The following LINGO4 variants were observed in gnomAD, a reference collection of about 807,000 sequenced individuals.
The protein encoded by LINGO4 is leucine-rich repeat and immunoglobulin-like domain-containing nogo receptor-interacting protein 4.
In LINGO4, 22 loss-of-function variants were observed where a neutral mutation model predicts 27.9. That is an observed-to-expected ratio of 0.79 (90% CI 0.56 to 1.13). The LOEUF is 1.13. Among genes scored for constraint, LINGO4 ranks in the 50% most tolerant of loss-of-function variants. The probability of loss-of-function intolerance (pLI) is 0.00; values close to 1 mark genes in which losing one functional copy is unlikely to be tolerated. For synonymous variants in LINGO4, 306 were observed against 325.8 expected (o/e 0.94, Z 0.65); for missense variants, 706 against 739.4 (o/e 0.95, Z 0.52).
In LINGO4 at chr1:151,801,908, G is replaced by C; in HGVS notation, c.797C>G (p.Ser266Trp). 1.2e-6 allele frequency: 2 copies of C among 1,614,212 alleles called. No homozygotes were observed. Among genetic ancestry groups the C allele is most frequent in the Non-Finnish European group, 1.7e-6 (2 of 1,180,030 alleles). ...GTGGTACAGTGCTTGGAAGGGCACC[G>C]AGCTCAGATTGCAGCGAGTGATGGC... ...SLAITRCNLS[S>W]VPFQALYHLS... The change falls in exon 2 of 2, where the codon TCG becomes TGG. Residue 266 changes from serine to tryptophan, a missense_variant. Ser to Trp is a radical substitution (Grantham distance 177). Coordinates refer to ENST00000368820, the MANE Select transcript of LINGO4 (RefSeq NM_001004432.4). This position sits in a 1 kb window ranked among gnomAD's most constrained non-coding sequence, Gnocchi z 5.7.
chr1:151,805,345 C>CGCTGCCTGGCTGCCCGGCT lies in LINGO4; in HGVS notation c.-148_-130dup, dbSNP rs1553288674. ...CACCTTCCCTGTGTGCCTCAACCCC[C>CGCTGCCTGGCTGCCCGGCT]GCTGCCTGGCTGCCCGGCTGCTGCC... On this transcript the variant is annotated 5_prime_UTR_variant, in exon 1 of 2. Transcript: ENST00000368820. 1.6e-5 allele frequency: 3 copies of CGCTGCCTGGCTGCCCGGCT among 187,414 alleles called. No homozygotes were observed. Among genetic ancestry groups the CGCTGCCTGGCTGCCCGGCT allele is most frequent in the African/African-American group, 7.2e-5 (3 of 41,908 alleles). 11.6% of individuals were successfully genotyped at this position (187,414 alleles called of 1,614,324 possible). A position where few individuals can be genotyped will look rare whatever the true frequency, so the allele number is the denominator to read the frequency against.
In LINGO4 at chr1:151,802,509, C is replaced by T. The variant is rs768302895; in HGVS notation, c.196G>A (p.Asp66Asn). 6.2e-7 allele frequency: 1 copy of T among 1,611,442 alleles called. No individual in the cohort carries two copies. The highest frequency in any genetic ancestry group is 8.5e-7 in the Non-Finnish European group (1 of 1,178,652). The change falls in exon 2 of 2, where the codon GAC (aspartate) becomes AAC (asparagine). Residue 66 changes from aspartate (D) to asparagine (N), a missense_variant. Transcript: ENST00000368820. Reference sequence around the variant, plus strand: ...CCCCACAGGCGGTTCCCACTCAGGTCCAGGAGCTCAGTGTCCAGTGGGAGT... The same window carrying T: ...CCCCACAGGCGGTTCCCACTCAGGTTCAGGAGCTCAGTGTCCAGTGGGAGT... The part of the protein sequence containing the change: ...GGLPLDTELL[D>N]LSGNRLWGLQ...
chr1:151,804,757 TTCAGTGGGG>T (rs1651240358), intron 1 of LINGO4, among the ~76,000 whole-genome samples: 1 of 152,228 alleles, frequency 6.6e-6, no homozygotes, highest in African/African-American at 2.4e-5. Flanking sequence ...TTTTTGTCCC[TTCAGTGGGG>T]TGGGGACATC....
rs760115744 is a variant in LINGO4, at chr1:151,802,400, C to T, written c.305G>A (p.Gly102Glu). 9 of 1,614,196 alleles carry T rather than the reference C, an allele frequency of 5.6e-6. No homozygotes were observed. In the South Asian group the frequency reaches 9.9e-5, roughly 18 times the overall value. ...SYNQLSTLEP[G>E]AFHGLQSLLT... The stretch of plus-strand genomic sequence containing the variant: ...TAGGCTTTGTAGGCCATGGAAGGCC[C>T]CAGGCTCAAGGGTTGAGAGCTGGTT... The change falls in exon 2 of 2, where the codon GGG becomes GAG. Residue 102 changes from glycine to glutamate, a missense_variant. Physicochemically the swap from Gly to Glu is moderately conservative, Grantham distance 98 (BLOSUM62 -2). Transcript: ENST00000368820.
Position 151,802,225 on chromosome 1 carries a change from C to T in LINGO4, c.480G>A (p.Lys160=). ...GAFGELGSLQ[K]LEVGDNHLVF... Reference sequence around the variant, plus strand: ...CCAGGTGGTTGTCCCCAACCTCCAGCTTCTGGAGGCTGCCTAGCTCCCCAA... The same window carrying T: ...CCAGGTGGTTGTCCCCAACCTCCAGTTTCTGGAGGCTGCCTAGCTCCCCAA... Residue 160 remains lysine (K), a synonymous_variant, in exon 2 of 2, where the codon AAG becomes AAA. Transcript: ENST00000368820. 6.2e-7 allele frequency: 1 copy of T among 1,614,208 alleles called. No individual in the cohort carries two copies. The highest frequency in any genetic ancestry group is 8.5e-7 in the Non-Finnish European group (1 of 1,180,032).
Position 151,802,290 on chromosome 1 carries a change from G to A in LINGO4, c.415C>T (p.Leu139Phe). 1.2e-6 allele frequency: 2 copies of A among 1,614,202 alleles called. No individual in the cohort carries two copies. The highest frequency in any genetic ancestry group is 1.1e-5 in the South Asian group (1 of 91,080). The part of the protein sequence containing the change: ...SGLSALTLLD[L>F]RLNQIVLFLD... ...AAGAGAACAATCTGGTTGAGGCGGA[G>A]GTCCAGCAGGGTCAGAGCAGAGAGG... Residue 139 changes from leucine to phenylalanine, a missense_variant, in exon 2 of 2, where the codon CTC becomes TTC. By Grantham distance (22) the Leu-to-Phe change is conservative. Transcript: ENST00000368820.
Position 151,801,982 on chromosome 1 carries a change from C to T in LINGO4, c.723G>A (p.Leu241=), listed in dbSNP as rs1422758717. The change falls in exon 2 of 2, where the codon CTG becomes CTA. Residue 241 remains leucine, a synonymous_variant. Transcript: ENST00000368820. The surrounding 1 kb of genome is among the most constrained non-coding windows in gnomAD (Gnocchi z 5.7). The part of the protein sequence containing the change: ...KELEIHLWPS[L]EALDPGSLVG... Reference sequence around the variant, plus strand: ...CCAGGCTCCCAGGGTCCAGAGCCTCCAGAGATGGCCAGAGGTGGATCTCCA... The same window carrying T: ...CCAGGCTCCCAGGGTCCAGAGCCTCTAGAGATGGCCAGAGGTGGATCTCCA... The T allele has an allele frequency of 6.2e-7, 1 of 1,614,146 alleles. No individual in the cohort carries two copies. The highest frequency in any genetic ancestry group is 1.3e-5 in the African/African-American group (1 of 75,036).
At chr1:151,803,029 A>G (rs1205685910) in intron 1 of LINGO4, among the ~76,000 whole-genome samples, 1 of 152,146 alleles carries the variant, frequency 6.6e-6, no homozygotes, top group African/African-American at 2.4e-5. Flanking sequence ...GGCAGGGAAC[A>G]GCAGGGAGGT....
chr1:151,801,677 G>A lies in LINGO4; in HGVS notation c.1028C>T (p.Ala343Val), dbSNP rs772892137. The A allele has an allele frequency of 6.2e-7, 1 of 1,614,236 alleles. No homozygotes were observed. Among genetic ancestry groups the A allele is most frequent in the Non-Finnish European group, 8.5e-7 (1 of 1,180,048 alleles). ...DNALQTLEET[A>V]FPSPDKLVTL... ...GACCAGTTTGTCTGGAGAAGGGAAA[G>A]CTGTTTCCTCTAGTGTCTGAAGGGC... is the stretch of plus-strand genomic sequence containing the variant. Residue 343 changes from alanine to valine, a missense_variant, in exon 2 of 2, where the codon GCT (alanine) becomes GTT (valine). Transcript: ENST00000368820. The surrounding 1 kb of genome is among the most constrained non-coding windows in gnomAD (Gnocchi z 5.7).
chr1:151,802,662 G>T lies in LINGO4; in HGVS notation c.43C>A (p.Pro15Thr). 1 of 1,545,484 alleles carries T rather than the reference G, an allele frequency of 6.5e-7. No homozygotes were observed. The highest frequency in any genetic ancestry group is 8.7e-7 in the Non-Finnish European group (1 of 1,148,714). Reference protein sequence around the residue: ...TAPKQAWPPWPPLLFLLLLPG... With the variant: ...TAPKQAWPPWTPLLFLLLLPG... ...AGGAGGAGGAGGAAAAGGAGCGGGGGCCATGGGGGCCAGGCTTGCTTTGGA... is the reference window on the plus strand; with the variant it reads ...AGGAGGAGGAGGAAAAGGAGCGGGGTCCATGGGGGCCAGGCTTGCTTTGGA... The change falls in exon 2 of 2, where the codon CCC becomes ACC. Residue 15 changes from proline (P) to threonine (T), a missense_variant. Physicochemically the swap from Pro to Thr is conservative, Grantham distance 38 (BLOSUM62 -1). Transcript: ENST00000368820.
At position 151,802,348 on chromosome 1, in the gene LINGO4, C is replaced by A. The variant is rs372094100; in HGVS notation, c.357G>T (p.Arg119=). 2.0e-5 allele frequency: 32 copies of A among 1,614,188 alleles called. No homozygotes were observed. In the African/African-American group the frequency reaches 4.1e-4, roughly 21 times the overall value. ...SLLTLRLQGN[R]LRIMGPGVFS... is the part of the protein sequence containing the mutation. ...AGACCCCAGGCCCCATGATTCTGAG[C>A]CGATTGCCCTGCAGCCTCAGGGTGA... Residue 119 remains arginine, a synonymous_variant, in exon 2 of 2, where the codon CGG becomes CGT. Transcript: ENST00000368820.
Position 151,800,653 on chromosome 1 carries a change from T to G in LINGO4, c.*270A>C. 1 of 443,732 alleles carries G rather than the reference T, an allele frequency of 2.3e-6. No homozygotes were observed. The highest frequency in any genetic ancestry group is 4.0e-6 in the Non-Finnish European group (1 of 249,366). The allele number at this position is 443,732 out of a possible 1,614,324, so 27.5% of individuals were successfully genotyped here. A position where few individuals can be genotyped will look rare whatever the true frequency, so the allele number is the denominator to read the frequency against. On this transcript the variant is annotated 3_prime_UTR_variant, in exon 2 of 2. Coordinates refer to ENST00000368820, the MANE Select transcript of LINGO4 (RefSeq NM_001004432.4). ...CTAGCGCTTTGATTATGTTTCCTGT[T>G]TTGTGTGTGGAGGGGGTGAAGCAGG...
Position 151,801,209 on chromosome 1 carries a change from A to G in LINGO4, c.1496T>C (p.Leu499Pro). The change falls in exon 2 of 2, where the codon CTG becomes CCG. Residue 499 changes from leucine to proline, a missense_variant. By Grantham distance (98) the Leu-to-Pro change is moderately conservative. Transcript: ENST00000368820. This position sits in a 1 kb window ranked among gnomAD's most constrained non-coding sequence, Gnocchi z 5.7. ...VAGNDSLRTWLEVIQVEPPNG... is the reference protein window; with the variant it reads ...VAGNDSLRTWPEVIQVEPPNG... Reference sequence around the variant, plus strand: ...TGGTGGTTCCACCTGGATGACTTCCAGCCAGGTCCTCAGGGAGTCATTCCC... The same window carrying G: ...TGGTGGTTCCACCTGGATGACTTCCGGCCAGGTCCTCAGGGAGTCATTCCC... The G allele has an allele frequency of 6.2e-7, 1 of 1,614,186 alleles. No homozygotes were observed. Among genetic ancestry groups the G allele is most frequent in the Non-Finnish European group, 8.5e-7 (1 of 1,180,030 alleles).
Position 151,801,316 on chromosome 1 carries a change from G to A in LINGO4, c.1389C>T (p.Val463=). Reference sequence around the variant, plus strand: ...GGATCTCCAGTGTCCCATCCTCTAGGACCCTTACTCTCCCAGCCCTGCCCA... The same window carrying A: ...GGATCTCCAGTGTCCCATCCTCTAGAACCCTTACTCTCCCAGCCCTGCCCA... ...AWLGRAGRVR[V]LEDGTLEIRS... is the part of the protein sequence containing the mutation. The change falls in exon 2 of 2, where the codon GTC becomes GTT. Residue 463 remains valine (V), a synonymous_variant. Coordinates refer to ENST00000368820, the MANE Select transcript of LINGO4 (RefSeq NM_001004432.4). The surrounding 1 kb of genome is among the most constrained non-coding windows in gnomAD (Gnocchi z 5.7). 6.2e-7 allele frequency: 1 copy of A among 1,612,900 alleles called. No homozygotes were observed. The highest frequency in any genetic ancestry group is 1.1e-5 in the South Asian group (1 of 91,062).
In LINGO4 at chr1:151,805,371, TGCC is replaced by T; in HGVS notation, c.-158_-156del. The T allele has an allele frequency of 1.0e-5, 2 of 194,276 alleles. No individual in the cohort carries two copies. The highest frequency in any genetic ancestry group is 7.9e-5 in the South Asian group (1 of 12,630). 12.0% of individuals were successfully genotyped at this position (194,276 alleles called of 1,614,324 possible). A position where few individuals can be genotyped will look rare whatever the true frequency, so the allele number is the denominator to read the frequency against. ...GCTGCCTGGCTGCCCGGCTGCTGCC[TGCC>T]GCTGCTGCTGCTGCTGTTGCTGCTG... On this transcript the variant is annotated 5_prime_UTR_variant, in exon 1 of 2. Transcript: ENST00000368820.
At position 151,800,693 on chromosome 1, in the gene LINGO4, C is replaced by T. The variant is rs1236602695; in HGVS notation, c.*230G>A. The T allele has an allele frequency of 2.9e-5, 15 of 515,812 alleles. No individual in the cohort carries two copies. Among genetic ancestry groups the T allele is most frequent in the Admixed American group, 1.1e-4 (3 of 28,016 alleles). The allele number at this position is 515,812 out of a possible 1,614,324, so 32.0% of individuals were successfully genotyped here. On this transcript the variant is annotated 3_prime_UTR_variant, in exon 2 of 2. Coordinates refer to ENST00000368820, the MANE Select transcript of LINGO4 (RefSeq NM_001004432.4). Reference sequence around the variant, plus strand: ...GGTGAAGCAGGGGCTGGACTAACGACGGGGTCTGCATCTGCAGCTCCCTGG... The same window carrying T: ...GGTGAAGCAGGGGCTGGACTAACGATGGGGTCTGCATCTGCAGCTCCCTGG...
chr1:151,803,903 G>A (rs1651218164), intron 1 of LINGO4, among the ~76,000 whole-genome samples: 1 of 151,984 alleles, frequency 6.6e-6, no homozygotes, highest in Non-Finnish European at 1.5e-5. Flanking sequence ...CCCTCTAGGT[G>A]ATGAGGGCCC....
chr1:151,803,030 G>A (rs1651198511), intron 1 of LINGO4, among the ~76,000 whole-genome samples: 1 of 152,190 alleles, frequency 6.6e-6, no homozygotes, highest in Non-Finnish European at 1.5e-5. Context: ...GCAGGGAACA[G>A]CAGGGAGGTA....
In LINGO4 at chr1:151,802,766, C is replaced by T. The variant is rs532086882; in HGVS notation, c.-13-49G>A. 62 of 1,340,284 alleles carry T rather than the reference C, an allele frequency of 4.6e-5. No homozygotes were observed. In the East Asian group the frequency reaches 1.2e-3, roughly 25 times the overall value. The allele number at this position is 1,340,284 out of a possible 1,614,324, so 83.0% of individuals were successfully genotyped here. A position where few individuals can be genotyped will look rare whatever the true frequency, so the allele number is the denominator to read the frequency against. ...CTTTTTGGAAAGTGGCTTCAGATGA[C>T]GGTGACCCTGGACTTCCTGGCCCTT... On this transcript the variant is annotated intron_variant, in intron 1 of 1. Coordinates refer to ENST00000368820, the MANE Select transcript of LINGO4 (RefSeq NM_001004432.4).
Sources: gnomAD v4.1 joint callset for allele counts (sites outside exome capture counted in the v4.1 genomes callset) on GRCh38, gnomAD v4.1.1 for gene constraint, Gnocchi (gnomAD v3.1) non-coding constraint, MANE v1.5 for transcripts, NCBI Gene and HGNC (gene_info 2026-07-23, HGNC 2026-07-21) for gene names.